Variants in CPNE8 observed in about 807,000 individuals in gnomAD.
CPNE8 encodes copine 8, also known as copine-8.
CPNE8 carries 45 observed loss-of-function variants against 81.5 expected under a neutral mutation model. That is an observed-to-expected ratio of 0.55 (90% confidence interval 0.44 to 0.71). The LOEUF is 0.71. Ranked by LOEUF, CPNE8 falls within the 30% of genes least tolerant of loss-of-function variation. The pLI is 0.00. For missense variants in CPNE8, 594 were observed against 672.1 expected (o/e 0.88, Z 1.28); for synonymous variants, 252 against 226.3 (o/e 1.11, Z -1.02).
At chr12:38,798,028 T>G (rs973751739) in intron 6 of CPNE8, among the ~76,000 whole-genome samples, 1 of 152,046 alleles carries the variant, frequency 6.6e-6, no homozygotes, top group African/African-American at 2.4e-5. Context: ...GAAGAAAGCC[T>G]CCAAGAAATA....
chr12:38,733,006 C>T (rs889062994), intron 10 of CPNE8, among the ~76,000 whole-genome samples: 8 of 151,902 alleles, frequency 5.3e-5, no homozygotes, highest in African/African-American at 1.7e-4. Context: ...ACTAAGAAAA[C>T]ATATTATTGC....
intron 17 of CPNE8, chr12:38,676,161 A>T (rs1156999843): frequency 1.9e-6 from 1 of 519,632 alleles, no homozygotes; most frequent in Non-Finnish European, 2.5e-6. Flanking sequence ...TTAAGAAGCA[A>T]ATATAACCAG....
At chr12:38,857,238 G>A (rs933900524) in intron 3 of CPNE8, among the ~76,000 whole-genome samples, 2 of 152,014 alleles carry the variant, frequency 1.3e-5, no homozygotes, top group Admixed American at 6.5e-5. Flanking sequence ...TTACACAAGA[G>A]ACACACCTAA....
intron 13 of CPNE8, 90 bp from the exon 14 acceptor site, chr12:38,703,011 C>A: frequency 1.1e-6 from 1 of 889,272 alleles, no homozygotes; most frequent in Non-Finnish European, 1.7e-6. Context: ...TTTAATGTCA[C>A]TGATTTTCTC....
At chr12:38,833,351 C>CAAAAAAAAAAAA (rs774534221) in intron 5 of CPNE8, among the ~76,000 whole-genome samples, 4 of 61,866 alleles carry the variant, frequency 6.5e-5, no homozygotes, top group East Asian at 4.2e-4. Flanking sequence ...GACCTTATCT[C>CAAAAAAAAAAAA]AAAAAAAAAA....
chr12:38,687,216 C>A (rs1362534652), intron 15 of CPNE8, among the ~76,000 whole-genome samples: 1 of 151,800 alleles, frequency 6.6e-6, no homozygotes, highest in Non-Finnish European at 1.5e-5. Context: ...GCCATTAACC[C>A]CACTTTATAA....
intron 6 of CPNE8, among the ~76,000 whole-genome samples, chr12:38,827,332 T>G (rs2137018234): frequency 6.6e-6 from 1 of 152,238 alleles, no homozygotes; most frequent in Middle Eastern, 3.4e-3. Context: ...CAGATGCTGG[T>G]GAGGCTGCAG....
At chr12:38,843,966 A>T (rs1246553641) in intron 4 of CPNE8, among the ~76,000 whole-genome samples, 1 of 152,176 alleles carries the variant, frequency 6.6e-6, no homozygotes, top group Non-Finnish European at 1.5e-5. Context: ...GTTCTAAGAA[A>T]CAAAAGTGAC....
intron 6 of CPNE8, among the ~76,000 whole-genome samples, chr12:38,826,235 A>G (rs1943189127): frequency 6.6e-6 from 1 of 152,224 alleles, no homozygotes; most frequent in South Asian, 2.1e-4. Context: ...CTGTCCAAGG[A>G]GATGAAGGGC....
chr12:38,781,622 C>T (rs1240708621), intron 6 of CPNE8, among the ~76,000 whole-genome samples: 4 of 151,990 alleles, frequency 2.6e-5, no homozygotes, highest in Non-Finnish European at 4.4e-5. Flanking sequence ...ACTATTATAG[C>T]TCCAAAATAC....
intron 19 of CPNE8, among the ~76,000 whole-genome samples, chr12:38,661,400 C>A (rs9739497): frequency 0.63 from 95,599 of 151,876 alleles, 36,773 homozygotes; most frequent in Non-Finnish European, 0.88. Context: ...TAGGTGGGAA[C>A]TGAACAATGA....
intron 6 of CPNE8, among the ~76,000 whole-genome samples, chr12:38,817,388 T>C (rs1349525518): frequency 6.6e-6 from 1 of 152,152 alleles, no homozygotes; most frequent in African/African-American, 2.4e-5. Flanking sequence ...TGAGCCCTGT[T>C]TATCTCAGAT....
chr12:38,734,724 T>C (rs983762714), intron 10 of CPNE8, among the ~76,000 whole-genome samples: 4 of 152,052 alleles, frequency 2.6e-5, no homozygotes, highest in African/African-American at 9.7e-5. Flanking sequence ...ATTCTTTCTA[T>C]GAAAAGTGTT....
Position 38,902,393 on chromosome 12 carries a change from G to GAGAAAGAAAGAAAGAA in CPNE8, c.98+3028_98+3043dup, listed in dbSNP as rs1295439144. The stretch of plus-strand genomic sequence containing the variant: ...GAAAGAAAGAAAGAAAAGAAAGAAA[G>GAGAAAGAAAGAAAGAA]AGAAAGAAAGAAAGAAAGAAAGAAA... On this transcript the variant is annotated intron_variant, in intron 1 of 19. Coordinates refer to ENST00000331366, the MANE Select transcript of CPNE8 (RefSeq NM_153634.3). Among the ~76,000 whole-genome samples the GAGAAAGAAAGAAAGAA allele has an allele frequency of 1.2e-3, 66 of 54,612 alleles. 6 individuals carry two copies. The highest frequency in any genetic ancestry group is 3.6e-3 in the African/African-American group (47 of 12,916). 35.8% of individuals were successfully genotyped at this position (54,612 alleles called of 152,430 possible).
chr12:38,724,093 G>A (rs1232856696), intron 12 of CPNE8, among the ~76,000 whole-genome samples: 1 of 152,112 alleles, frequency 6.6e-6, no homozygotes, highest in Non-Finnish European at 1.5e-5. Flanking sequence ...CAAGGACATT[G>A]TGTTACTTCC....
At chr12:38,791,936 G>A (rs1942333187) in intron 6 of CPNE8, among the ~76,000 whole-genome samples, 1 of 149,862 alleles carries the variant, frequency 6.7e-6, no homozygotes, top group African/African-American at 2.4e-5. Context: ...GAGGAAAACT[G>A]AAAATTCACA....
intron 10 of CPNE8, among the ~76,000 whole-genome samples, chr12:38,735,433 A>G (rs1364593057): frequency 1.2e-5 from 1 of 85,874 alleles, no homozygotes; most frequent in African/African-American, 4.1e-5. Context: ...GATTACAAGT[A>G]AAATGCACCA....
chr12:38,666,594 G>A (rs1242172963), intron 19 of CPNE8, among the ~76,000 whole-genome samples: 2 of 152,098 alleles, frequency 1.3e-5, no homozygotes, highest in Non-Finnish European at 1.5e-5. Context: ...GAGTATTCCA[G>A]GTAAATGACA....
At chr12:38,788,490 C>T (rs982310107) in intron 6 of CPNE8, among the ~76,000 whole-genome samples, 2 of 151,914 alleles carry the variant, frequency 1.3e-5, no homozygotes, top group African/African-American at 4.8e-5. Context: ...GATAGACCCA[C>T]AGGTAGTATC....
Sources: gnomAD v4.1 joint callset for allele counts (sites outside exome capture counted in the v4.1 genomes callset) on GRCh38, gnomAD v4.1.1 for gene constraint, MANE v1.5 for transcripts, NCBI Gene and HGNC (gene_info 2026-07-23, HGNC 2026-07-21) for gene names.